Variants in DNAJC1 observed in about 807,000 individuals in gnomAD.
DNAJC1 encodes dnaJ homolog subfamily C member 1.
In DNAJC1, 58 loss-of-function variants were observed where a neutral mutation model predicts 76.6. That is an observed-to-expected ratio of 0.76 (90% confidence interval 0.61 to 0.94). The LOEUF is 0.94. Ranked by LOEUF, DNAJC1 falls within the 40% of genes least tolerant of loss-of-function variation. The probability of loss-of-function intolerance (pLI) is 0.00; values close to 1 mark genes in which losing one functional copy is unlikely to be tolerated. For missense variants in DNAJC1, 689 were observed against 677.3 expected (o/e 1.02, Z -0.19); for synonymous variants, 258 against 267.9 (o/e 0.96, Z 0.36).
chr10:21,876,391 C>G (rs1436942293), intron 8 of DNAJC1, among the ~76,000 whole-genome samples: 1 of 152,048 alleles, frequency 6.6e-6, no homozygotes, highest in East Asian at 1.9e-4. Flanking sequence ...AGATTATAGG[C>G]ATGAGCTACT....
chr10:21,772,612 T>TC (rs1834400364), intron 9 of DNAJC1, among the ~76,000 whole-genome samples: 1 of 152,070 alleles, frequency 6.6e-6, no homozygotes, highest in African/African-American at 2.4e-5. Flanking sequence ...GAAATTTGAG[T>TC]CCTTTCTCTT....
At chr10:21,854,459 A>G (rs1835802041) in intron 8 of DNAJC1, among the ~76,000 whole-genome samples, 1 of 151,992 alleles carries the variant, frequency 6.6e-6, no homozygotes, top group Non-Finnish European at 1.5e-5. Context: ...TGTCTTTTCT[A>G]TAATTTCCTT....
At chr10:21,854,219 GTAGT>G (rs923897289) in intron 8 of DNAJC1, among the ~76,000 whole-genome samples, 38 of 151,850 alleles carry the variant, frequency 2.5e-4, no homozygotes, top group East Asian at 9.7e-4. Context: ...TTCCTAAAAG[GTAGT>G]TATTTATATT....
intron 1 of DNAJC1, among the ~76,000 whole-genome samples, chr10:21,938,061 GC>G (rs1278972563): frequency 6.6e-6 from 1 of 151,874 alleles, no homozygotes; most frequent in Admixed American, 6.6e-5. Flanking sequence ...AATAGGAAAG[GC>G]CATAAAATAT....
chr10:21,854,324 G>A (rs1835798260), intron 8 of DNAJC1, among the ~76,000 whole-genome samples: 1 of 143,772 alleles, frequency 7.0e-6, no homozygotes, highest in African/African-American at 2.6e-5. Flanking sequence ...ATTATAAAAG[G>A]ACTATCAGAT....
chr10:21,900,788 A>G (rs1292476698), intron 7 of DNAJC1, among the ~76,000 whole-genome samples: 2 of 152,218 alleles, frequency 1.3e-5, no homozygotes, highest in African/African-American at 4.8e-5. Context: ...ATGCCTCCGC[A>G]TAAGTTATCT....
intron 8 of DNAJC1, among the ~76,000 whole-genome samples, chr10:21,867,915 T>C (rs1836032350): frequency 6.6e-6 from 1 of 150,774 alleles, no homozygotes; most frequent in Non-Finnish European, 1.5e-5. Flanking sequence ...CTACTAAAAA[T>C]ACAAAAAATT....
chr10:21,840,398 GC>G (rs924949420), intron 8 of DNAJC1, among the ~76,000 whole-genome samples: 1 of 152,140 alleles, frequency 6.6e-6, no homozygotes, highest in African/African-American at 2.4e-5. Flanking sequence ...AGCAACTTCA[GC>G]AAAGTCTCAG....
At chr10:21,781,236 C>G (rs532714667) in intron 9 of DNAJC1, among the ~76,000 whole-genome samples, 2 of 152,274 alleles carry the variant, frequency 1.3e-5, no homozygotes, top group East Asian at 3.9e-4. Context: ...AGCTTTGCAC[C>G]AAGCGGACCT....
intron 8 of DNAJC1, among the ~76,000 whole-genome samples, chr10:21,844,864 T>A (rs792458): frequency 1.3e-5 from 2 of 151,958 alleles, no homozygotes; most frequent in African/African-American, 2.4e-5. Context: ...AGACCCTGTC[T>A]CTGCAAAAAA....
intron 1 of DNAJC1, among the ~76,000 whole-genome samples, chr10:21,933,828 T>C (rs1183167802): frequency 1.3e-5 from 2 of 152,180 alleles, no homozygotes; most frequent in African/African-American, 4.8e-5. Flanking sequence ...AATGTATCTA[T>C]TCATGTGTTT....
At chr10:21,908,033 AATATAATATAATAT>A (rs1208914377) in intron 6 of DNAJC1, among the ~76,000 whole-genome samples, 1 of 113,116 alleles carries the variant, frequency 8.8e-6, no homozygotes, top group Non-Finnish European at 1.7e-5. Flanking sequence ...ATAAATATAT[AATATAATATAATAT>A]ATAAATATAT....
At chr10:21,789,146 G>A (rs987523376) in intron 9 of DNAJC1, among the ~76,000 whole-genome samples, 1 of 152,140 alleles carries the variant, frequency 6.6e-6, no homozygotes, top group Non-Finnish European at 1.5e-5. Flanking sequence ...CCACCGTGGG[G>A]AAGTTGAGAA....
At chr10:21,837,513 C>CT (rs1367951272) in intron 8 of DNAJC1, among the ~76,000 whole-genome samples, 2 of 151,844 alleles carry the variant, frequency 1.3e-5, no homozygotes, top group African/African-American at 2.4e-5. Context: ...GGGAGCGCCT[C>CT]TGCCCCACTG....
At chr10:21,772,835 C>T (rs1834403760) in intron 9 of DNAJC1, among the ~76,000 whole-genome samples, 1 of 152,064 alleles carries the variant, frequency 6.6e-6, no homozygotes, top group Admixed American at 6.6e-5. Context: ...CATGGTTTCA[C>T]AAGCTGTACA....
intron 9 of DNAJC1, among the ~76,000 whole-genome samples, chr10:21,770,384 ATTTTTTTCTTCT>A (rs1469169557): frequency 1.6e-5 from 2 of 124,812 alleles, no homozygotes; most frequent in Admixed American, 1.6e-4. Flanking sequence ...TTGTAAGATT[ATTTTTTTCTTCT>A]TTTTTTTTTT....
intron 1 of DNAJC1, among the ~76,000 whole-genome samples, chr10:21,946,028 T>C (rs1177997852): frequency 6.6e-6 from 1 of 150,980 alleles, no homozygotes; most frequent in African/African-American, 2.4e-5. Context: ...AATAAAATAA[T>C]TCAAATTCCT....
At chr10:21,921,396 T>A (rs1423770212) in intron 3 of DNAJC1, among the ~76,000 whole-genome samples, 1 of 152,034 alleles carries the variant, frequency 6.6e-6, no homozygotes. Flanking sequence ...AAATTCAGAA[T>A]AAATTTTCTA....
chr10:21,934,921 T>C (rs1284108285), intron 1 of DNAJC1, among the ~76,000 whole-genome samples: 1 of 152,158 alleles, frequency 6.6e-6, no homozygotes, highest in Admixed American at 6.5e-5. Flanking sequence ...GAAATTCTAG[T>C]GGCCATACAC....
Sources: allele counts gnomAD v4.1 joint callset (sites outside exome capture counted in the v4.1 genomes callset), GRCh38; gene constraint gnomAD v4.1.1; transcripts MANE v1.5; gene names NCBI Gene and HGNC (gene_info 2026-07-23, HGNC 2026-07-21).